The following ZNF618 variants were observed in gnomAD, a reference collection of about 807,000 sequenced individuals.
The protein encoded by ZNF618 is neural precursor cell expressed, developmentally down-regulated 10.
Under a neutral mutation model 103.0 loss-of-function variants are expected in ZNF618, and 34 were observed. The ratio of observed to expected loss-of-function variants is 0.33; its 90% confidence interval spans 0.25 to 0.44. The LOEUF (loss-of-function observed/expected upper bound fraction) is 0.44, where lower values mean the gene tolerates loss of function less well. Ranked by LOEUF, ZNF618 falls within the 20% of genes least tolerant of loss-of-function variation. The pLI, the probability that ZNF618 is intolerant of heterozygous loss-of-function variation, is 1.00. For synonymous variants in ZNF618, 551 were observed against 542.2 expected, an observed-to-expected ratio of 1.02 and a Z score of -0.23; for missense variants, 1,059 against 1,295.4, an observed-to-expected ratio of 0.82 and a Z score of 2.80.
intron 3 of ZNF618, among the ~76,000 whole-genome samples, chr9:113,994,974 A>G (rs1003243432): frequency 5.3e-5 from 8 of 152,234 alleles, no homozygotes; most frequent in South Asian, 2.1e-4. Context: ...CTGTGAACCA[A>G]TTTTCAAAAT....
intron 1 of ZNF618, among the ~76,000 whole-genome samples, chr9:113,940,105 T>G (rs1368145664): frequency 3.6e-5 from 5 of 138,464 alleles, no homozygotes; most frequent in Admixed American, 7.3e-5. Context: ...TTAAATAGTC[T>G]GCACTTTTTA....
rs1012570255 is a variant in ZNF618, at chr9:114,050,349, C to T, written c.*182C>T. ...GTGTGCGTGTATGTACACAGCCACA[C>T]GTGTGTGCACGTGTCTGAACACGTG... On this transcript the variant is annotated 3_prime_UTR_variant, in exon 15 of 15. Coordinates refer to ENST00000374126, the MANE Select transcript of ZNF618 (RefSeq NM_001318042.2). 1.1e-4 allele frequency: 72 copies of T among 653,696 alleles called. No homozygotes were observed. In the Middle Eastern group the frequency reaches 3.0e-3, roughly 27 times the overall value. 40.5% of individuals were successfully genotyped at this position (653,696 alleles called of 1,614,324 possible).
chr9:114,029,740 C>A (rs1038162421), intron 11 of ZNF618, among the ~76,000 whole-genome samples: 5 of 152,212 alleles, frequency 3.3e-5, no homozygotes, highest in African/African-American at 1.2e-4. Context: ...GTAGCACTAC[C>A]CGTGAAACTC....
chr9:113,952,993 C>T (rs1835915877), intron 1 of ZNF618, among the ~76,000 whole-genome samples: 1 of 152,170 alleles, frequency 6.6e-6, no homozygotes, highest in Non-Finnish European at 1.5e-5. Flanking sequence ...GAGTTGCTGG[C>T]ACATAATAGT....
chr9:113,932,541 T>G (rs1315976498), intron 1 of ZNF618, among the ~76,000 whole-genome samples: 1 of 152,202 alleles, frequency 6.6e-6, no homozygotes, highest in African/African-American at 2.4e-5. Flanking sequence ...TGAAATGTGA[T>G]GCTGGTTTGG....
intron 3 of ZNF618, among the ~76,000 whole-genome samples, chr9:113,989,230 G>A (rs1189261823): frequency 1.3e-5 from 2 of 152,230 alleles, no homozygotes; most frequent in Non-Finnish European, 2.9e-5. Flanking sequence ...GACAGGTGGT[G>A]GGGACCATGT....
chr9:113,988,221 T>C (rs1215341175), intron 2 of ZNF618, 100 bp from the exon 3 acceptor site: 1 of 1,448,534 alleles, frequency 6.9e-7, no homozygotes. Flanking sequence ...TAGAATTCAC[T>C]ATGCACACAG....
intron 1 of ZNF618, among the ~76,000 whole-genome samples, chr9:113,957,813 T>TC (rs1836452904): frequency 6.6e-6 from 1 of 151,856 alleles, no homozygotes; most frequent in Non-Finnish European, 1.5e-5. Context: ...TCCTTTTTTT[T>TC]TTTTTTACCC....
intron 14 of ZNF618, 144 bp downstream of exon 14, chr9:114,048,138 C>T (rs913836576): frequency 1.3e-6 from 1 of 745,172 alleles, no homozygotes; most frequent in Non-Finnish European, 2.2e-6. Flanking sequence ...ACACCTAAGA[C>T]CTTATTTGCA....
chr9:113,964,998 G>GAAAAA (rs372943322), intron 1 of ZNF618, among the ~76,000 whole-genome samples: 1 of 108,258 alleles, frequency 9.2e-6, no homozygotes, highest in African/African-American at 3.4e-5. Flanking sequence ...GCTTCATTCT[G>GAAAAA]AAAAAAAAAA....
intron 4 of ZNF618, among the ~76,000 whole-genome samples, chr9:114,000,771 C>G (rs1392785043): frequency 1.3e-5 from 2 of 152,180 alleles, no homozygotes; most frequent in Non-Finnish European, 2.9e-5. Flanking sequence ...TGGGAACACT[C>G]TTCATGCAAA....
In ZNF618 at chr9:114,049,426, T is replaced by C. The variant is rs1845948502; in HGVS notation, c.2124T>C (p.Tyr708=). The change falls in exon 15 of 15, where the codon TAT becomes TAC. Residue 708 remains tyrosine (Y), a synonymous_variant. Coordinates refer to ENST00000374126, the MANE Select transcript of ZNF618 (RefSeq NM_001318042.2). The part of the protein sequence containing the change: ...TDSLLLVHER[Y]EQICEFYSRA... ...CACTGTTGCTGGTGCATGAGCGCTATGAGCAGATCTGCGAGTTCTACAGCC... is the reference window on the plus strand; with the variant it reads ...CACTGTTGCTGGTGCATGAGCGCTACGAGCAGATCTGCGAGTTCTACAGCC... 1.2e-6 allele frequency: 2 copies of C among 1,604,510 alleles called. No homozygotes were observed. Among genetic ancestry groups the C allele is most frequent in the Non-Finnish European group, 1.7e-6 (2 of 1,175,706 alleles).
chr9:113,943,944 A>C (rs1448294347), intron 1 of ZNF618, among the ~76,000 whole-genome samples: 1 of 152,172 alleles, frequency 6.6e-6, no homozygotes, highest in African/African-American at 2.4e-5. Flanking sequence ...GAGTCAAGTG[A>C]GGCTTAGGTT....
At chr9:113,933,242 A>AG (rs1329215485) in intron 1 of ZNF618, among the ~76,000 whole-genome samples, 1 of 152,200 alleles carries the variant, frequency 6.6e-6, no homozygotes, top group Non-Finnish European at 1.5e-5. Flanking sequence ...CAGTCAGCGT[A>AG]GGTGCATTTT....
intron 1 of ZNF618, among the ~76,000 whole-genome samples, chr9:113,912,851 G>A (rs1311453691): frequency 6.6e-6 from 1 of 152,214 alleles, no homozygotes; most frequent in East Asian, 1.9e-4. Flanking sequence ...ATGGACCAGC[G>A]CTTTAACATC....
chr9:114,033,390 AG>A (rs1844275799), intron 12 of ZNF618, among the ~76,000 whole-genome samples: 1 of 21,086 alleles, frequency 4.7e-5, no homozygotes, highest in African/African-American at 3.9e-4. Context: ...TGTCTCAAAA[AG>A]AGAGAGAGAG....
At chr9:113,906,816 C>T (rs1334523613) in intron 1 of ZNF618, among the ~76,000 whole-genome samples, 4 of 152,168 alleles carry the variant, frequency 2.6e-5, no homozygotes, top group Admixed American at 6.5e-5. Flanking sequence ...CAAAAGGGGA[C>T]GTGTATTGGC....
chr9:113,935,012 G>A (rs994015702), intron 1 of ZNF618, among the ~76,000 whole-genome samples: 3 of 152,222 alleles, frequency 2.0e-5, no homozygotes, highest in Non-Finnish European at 4.4e-5. Flanking sequence ...GCTGTCCCCA[G>A]GTGCAAGCCC....
intron 2 of ZNF618, among the ~76,000 whole-genome samples, chr9:113,979,934 T>C (rs12682865): frequency 0.28 from 41,946 of 151,952 alleles, 7,287 homozygotes; most frequent in East Asian, 0.61. Context: ...GGGCAGTGTA[T>C]AGGGGAAAGG....
Sources: gnomAD v4.1 joint callset for allele counts (sites outside exome capture counted in the v4.1 genomes callset) on GRCh38, gnomAD v4.1.1 for gene constraint, MANE v1.5 for transcripts, NCBI Gene and HGNC (gene_info 2026-07-23, HGNC 2026-07-21) for gene names.